ACSL4: variants seen among roughly 807,000 people sequenced by gnomAD.
ACSL4 encodes long-chain-fatty-acid--CoA ligase 4.
A neutral mutation model predicts 49.1 loss-of-function variants in ACSL4; 9 were observed. The observed-to-expected ratio is 0.18, with a 90% CI of 0.11 to 0.32. The LOEUF is 0.32. ACSL4 is among the 10% of genes least tolerant of loss of function. The probability of loss-of-function intolerance (pLI) is 1.00; values close to 1 mark genes in which losing one functional copy is unlikely to be tolerated. For missense variants in ACSL4, 333 were observed against 493.7 expected (o/e 0.67, Z 3.08); for synonymous variants, 191 against 170.3 (o/e 1.12, Z -0.95).
At chrX:109,729,807 C>T (rs1471783508) in intron 1 of ACSL4, among the ~76,000 whole-genome samples, 1 of 112,124 alleles carries the variant, frequency 8.9e-6, no homozygotes, top group Admixed American at 9.5e-5. Flanking sequence ...AAGGTATATT[C>T]CTTGCACTAA....
chrX:109,725,952 G>A (rs1479564539), intron 1 of ACSL4, among the ~76,000 whole-genome samples: 1 of 110,404 alleles, frequency 9.1e-6, no homozygotes, highest in Non-Finnish European at 1.9e-5. Context: ...GTGCTGAATT[G>A]TGTTTCTTCC....
At chrX:109,709,649 C>T (rs976897785) in intron 1 of ACSL4, among the ~76,000 whole-genome samples, 3 of 112,618 alleles carry the variant, frequency 2.7e-5, no homozygotes, top group African/African-American at 9.7e-5. Context: ...ACAGCTGCTA[C>T]GCATACAATT....
chrX:109,690,767 G>A (rs1179579455), intron 2 of ACSL4, among the ~76,000 whole-genome samples: 1 of 97,632 alleles, frequency 1.0e-5, no homozygotes, highest in East Asian at 3.9e-4. Context: ...TAGGGGGGGG[G>A]GGCCTCTATA....
chrX:109,665,621 T>A, intron 11 of ACSL4, 127 bp from the exon 12 acceptor site: 1 of 562,689 alleles, frequency 1.8e-6, no homozygotes. Context: ...AGTGTGATCA[T>A]TTTTCAGTAT....
At chrX:109,715,502 T>C (rs1161809573) in intron 1 of ACSL4, among the ~76,000 whole-genome samples, 2 of 110,167 alleles carry the variant, frequency 1.8e-5, no homozygotes, top group Admixed American at 9.7e-5. Flanking sequence ...TAGCCAGGCA[T>C]GGTTGTGTAC....
At chrX:109,709,892 G>T (rs920380719) in intron 1 of ACSL4, among the ~76,000 whole-genome samples, 4 of 111,374 alleles carry the variant, frequency 3.6e-5, no homozygotes, top group African/African-American at 9.8e-5. Flanking sequence ...GGATCACGGA[G>T]GTCGGTAGTT....
rs138899215 is a variant in ACSL4 at position 109,680,722 on chromosome X, T to C, written c.655+276A>G. On this transcript the variant is annotated intron_variant, in intron 6 of 15. Coordinates refer to ENST00000672401, the MANE Select transcript of ACSL4 (RefSeq NM_001318510.2). ...AATTGGAAGGTTATAGTGGGTTATT[T>C]AAAAAATGAAGAAACATTTGGCAGC... is the stretch of plus-strand genomic sequence containing the variant. Among the ~76,000 whole-genome samples the C allele has an allele frequency of 5.5e-3, 621 of 113,030 alleles. 3 individuals carry two copies. Among genetic ancestry groups the C allele is most frequent in the African/African-American group, 0.017 (545 of 31,210 alleles).
At chrX:109,669,538 C>T (rs1028723751) in intron 9 of ACSL4, among the ~76,000 whole-genome samples, 2 of 110,461 alleles carry the variant, frequency 1.8e-5, no homozygotes, top group East Asian at 2.8e-4. Context: ...GGACTACAGG[C>T]GCCTGCCACC....
At chrX:109,700,336 C>T (rs778329170) in intron 1 of ACSL4, among the ~76,000 whole-genome samples, 1 of 109,620 alleles carries the variant, frequency 9.1e-6, no homozygotes, top group East Asian at 2.9e-4. Flanking sequence ...TCAAGACCAG[C>T]CTGGCCAACA....
At chrX:109,670,580 G>A (rs1236803005) in intron 9 of ACSL4, among the ~76,000 whole-genome samples, 4 of 98,813 alleles carry the variant, frequency 4.0e-5, no homozygotes, top group Non-Finnish European at 8.1e-5. Context: ...GCAAGACTCC[G>A]TCTCAAAAAA....
chrX:109,685,492 T>C (rs1378701375), intron 2 of ACSL4: 3 of 111,477 alleles, frequency 2.7e-5, no homozygotes, highest in African/African-American at 9.8e-5. Flanking sequence ...AAAATATTAG[T>C]TCACTTTGAA....
At chrX:109,650,340 T>G in intron 15 of ACSL4, among the ~76,000 whole-genome samples, 1 of 109,695 alleles carries the variant, frequency 9.1e-6, no homozygotes, top group Non-Finnish European at 1.9e-5. Flanking sequence ...GGGAATACTA[T>G]GCAGCCATAA....
chrX:109,685,108 T>C (rs1924495574), intron 2 of ACSL4, among the ~76,000 whole-genome samples: 1 of 103,017 alleles, frequency 9.7e-6, no homozygotes, highest in Admixed American at 1.0e-4. Flanking sequence ...TTTTTTTTTT[T>C]TTGAGACAAG....
At chrX:109,730,066 A>T (rs1266138588) in intron 1 of ACSL4, among the ~76,000 whole-genome samples, 7 of 112,364 alleles carry the variant, frequency 6.2e-5, no homozygotes, top group Admixed American at 4.7e-4. Context: ...ACGTGATAAC[A>T]TTATGTAGAA....
At chrX:109,682,503 A>G (rs1186448948) in intron 4 of ACSL4, among the ~76,000 whole-genome samples, 1 of 107,082 alleles carries the variant, frequency 9.3e-6, no homozygotes, top group Non-Finnish European at 1.9e-5. Flanking sequence ...ACATCCCTTA[A>G]AGCTGCCAAT....
chrX:109,653,740 A>T (rs367982600), intron 15 of ACSL4, among the ~76,000 whole-genome samples: 1 of 109,026 alleles, frequency 9.2e-6, no homozygotes, highest in Non-Finnish European at 1.9e-5. Context: ...TCACTTATAG[A>T]TGGGAATTGA....
chrX:109,678,483 G>T, intron 6 of ACSL4, 68 bp from the exon 7 acceptor site: 1 of 1,135,843 alleles, frequency 8.8e-7, no homozygotes. Flanking sequence ...AGAATAATAG[G>T]ATATTTAGAT....
rs946296382 is a variant in ACSL4, at chrX:109,732,618, C to T, written c.-66+521G>A. Among the ~76,000 whole-genome samples, 28 of 111,850 alleles carry T rather than the reference C, an allele frequency of 2.5e-4. No homozygotes were observed. The Admixed American group carries it at 2.5e-3, about 10-fold the overall frequency. ...ACGGAAGCTAGGAAGATATCGGAAG[C>T]AAGGAAGATATCGGAAGCGACGGCA... On this transcript the variant is annotated intron_variant, in intron 1 of 15. Coordinates refer to ENST00000672401, the MANE Select transcript of ACSL4 (RefSeq NM_001318510.2).
chrX:109,683,367 G>A lies in ACSL4; in HGVS notation c.-4C>T, dbSNP rs1924336861. 2 of 1,211,308 alleles carry A rather than the reference G, an allele frequency of 1.7e-6. No individual in the cohort carries two copies. Among genetic ancestry groups the A allele is most frequent in the Non-Finnish European group, 1.1e-6 (1 of 895,154 alleles). On this transcript the variant is annotated 5_prime_UTR_variant, in exon 3 of 16. In the 5' UTR this introduces an upstream ATG that the reference lacks. Transcript: ENST00000672401. ...TAGCTTTTATTCTCTTTGCCATAGC[G>A]TTTTTCTTCTTGGCATTGGTAAGAA...
Sources: gnomAD v4.1 joint callset for allele counts (sites outside exome capture counted in the v4.1 genomes callset) on GRCh38, gnomAD v4.1.1 for gene constraint, MANE v1.5 for transcripts, NCBI Gene and HGNC (gene_info 2026-07-23, HGNC 2026-07-21) for gene names.